The following ABI3BP variants were observed in gnomAD, a reference collection of about 807,000 sequenced individuals.
The protein encoded by ABI3BP is target of Nesh-SH3.
A neutral mutation model predicts 268.6 loss-of-function variants in ABI3BP; 216 were observed. That is an observed-to-expected ratio of 0.80 (90% CI 0.72 to 0.90). The LOEUF (loss-of-function observed/expected upper bound fraction) is 0.90. Among genes scored for constraint, ABI3BP ranks in the 40% least tolerant of loss-of-function variants. ABI3BP has a pLI of 0.00. For missense variants in ABI3BP, 2,090 were observed against 2,182.4 expected (o/e 0.96, Z 0.84); for synonymous variants, 730 against 730.0 (o/e 1.00, Z 0.00).
At chr3:100,894,956 A>AAAAAAAAAAAAAACAAAC (rs1554076985) in intron 4 of ABI3BP, among the ~76,000 whole-genome samples, 1 of 131,440 alleles carries the variant, frequency 7.6e-6, no homozygotes, top group Non-Finnish European at 1.7e-5. Context: ...AAAAAAAAAA[A>AAAAAAAAAAAAAACAAAC]AAAAAAAAAA....
chr3:100,881,810 G>A (rs1312274115), intron 6 of ABI3BP, among the ~76,000 whole-genome samples: 1 of 152,082 alleles, frequency 6.6e-6, no homozygotes, highest in Non-Finnish European at 1.5e-5. Context: ...TTTTCTAGAG[G>A]TATAGGTAGG....
At chr3:100,824,443 G>A (rs73135559) in intron 36 of ABI3BP, among the ~76,000 whole-genome samples, 20,878 of 152,072 alleles carry the variant, frequency 0.14, 1,859 homozygotes, top group South Asian at 0.26. Flanking sequence ...TCAACTCCAC[G>A]CTTTCTGCAG....
rs905142460 is a variant in ABI3BP, at chr3:100,749,940, C to T, written c.*555G>A. 23 of 387,838 alleles carry T rather than the reference C, an allele frequency of 5.9e-5. No homozygotes were observed. Among genetic ancestry groups the T allele is most frequent in the African/African-American group, 4.1e-4 (20 of 48,282 alleles). The allele number at this position is 387,838 out of a possible 1,614,324, so 24.0% of individuals were successfully genotyped here. On this transcript the variant is annotated 3_prime_UTR_variant, in exon 68 of 68. Transcript: ENST00000471714. ...TGAATGTGTAACTATTAAACTCCTCCGCAAAGCTATTCAGCTGTTGCTAAA... is the reference window on the plus strand; with the variant it reads ...TGAATGTGTAACTATTAAACTCCTCTGCAAAGCTATTCAGCTGTTGCTAAA...
chr3:100,959,533 A>G (rs1284611419), intron 1 of ABI3BP, among the ~76,000 whole-genome samples: 1 of 151,760 alleles, frequency 6.6e-6, no homozygotes, highest in Non-Finnish European at 1.5e-5. Flanking sequence ...CTGAATCAGA[A>G]CAACAAAAAG....
chr3:100,787,319 T>C (rs1445145948), intron 57 of ABI3BP, among the ~76,000 whole-genome samples: 1 of 152,166 alleles, frequency 6.6e-6, no homozygotes, highest in Non-Finnish European at 1.5e-5. Context: ...TGCTAACAGA[T>C]GCAGTTATTC....
chr3:100,862,974 T>G, intron 12 of ABI3BP, 65 bp from the exon 13 acceptor site: 1 of 1,294,422 alleles, frequency 7.7e-7, no homozygotes, highest in Non-Finnish European at 1.1e-6. Flanking sequence ...ATTTTTAAAA[T>G]TTTAAGCTTG....
chr3:100,866,863 A>C lies in ABI3BP; in HGVS notation c.988+16T>G, dbSNP rs768832677. ...TTTTTCTTTTCTCAAGGTCAACAAC[A>C]TAGCGATCTCATTACCTGTTGTGGG... On this transcript the variant is annotated intron_variant, in intron 10 of 67. Transcript: ENST00000471714. 6.2e-7 allele frequency: 1 copy of C among 1,610,480 alleles called. No individual in the cohort carries two copies. The highest frequency in any genetic ancestry group is 1.1e-5 in the South Asian group (1 of 90,646).
At chr3:100,908,802 G>T (rs890859980) in intron 2 of ABI3BP, among the ~76,000 whole-genome samples, 4 of 152,158 alleles carry the variant, frequency 2.6e-5, no homozygotes, top group African/African-American at 9.7e-5. Context: ...TGGATAGGAA[G>T]AATCAATATT....
At chr3:100,940,997 A>G (rs1284135415) in intron 1 of ABI3BP, among the ~76,000 whole-genome samples, 1 of 150,104 alleles carries the variant, frequency 6.7e-6, no homozygotes, top group Non-Finnish European at 1.5e-5. Context: ...AAATTATTAA[A>G]TAAAGCAAGA....
intron 1 of ABI3BP, among the ~76,000 whole-genome samples, chr3:100,959,089 T>C (rs1331427592): frequency 6.6e-6 from 1 of 152,150 alleles, no homozygotes; most frequent in Non-Finnish European, 1.5e-5. Context: ...GAAAACATGC[T>C]CTATTCCTAC....
chr3:100,759,130 G>A (rs2095804336), intron 63 of ABI3BP, among the ~76,000 whole-genome samples: 1 of 152,088 alleles, frequency 6.6e-6, no homozygotes, highest in Non-Finnish European at 1.5e-5. Flanking sequence ...CAAATCTCAA[G>A]CAAACTGTTT....
chr3:100,964,776 T>G (rs1315242680), intron 1 of ABI3BP, among the ~76,000 whole-genome samples: 1 of 152,124 alleles, frequency 6.6e-6, no homozygotes, highest in Admixed American at 6.5e-5. Context: ...AAGTTGGTCC[T>G]AGGGGGTAAA....
chr3:100,775,684 G>A (rs994432204), intron 59 of ABI3BP, among the ~76,000 whole-genome samples: 2 of 152,104 alleles, frequency 1.3e-5, no homozygotes, highest in Non-Finnish European at 2.9e-5. Context: ...GTTATTGGTA[G>A]GTAGAGACAA....
chr3:100,964,192 G>A (rs1259636126), intron 1 of ABI3BP, among the ~76,000 whole-genome samples: 2 of 152,066 alleles, frequency 1.3e-5, no homozygotes, highest in East Asian at 3.9e-4. Flanking sequence ...TGTTCAAGAT[G>A]GCGGCTCCAT....
At chr3:100,828,157 A>G (rs2098422206) in intron 34 of ABI3BP, among the ~76,000 whole-genome samples, 1 of 152,188 alleles carries the variant, frequency 6.6e-6, no homozygotes, top group South Asian at 2.1e-4. Context: ...AATCTCCCTT[A>G]ATAGAGAACT....
chr3:100,906,907 T>C (rs771923326), intron 2 of ABI3BP, among the ~76,000 whole-genome samples: 1 of 152,198 alleles, frequency 6.6e-6, no homozygotes, highest in Non-Finnish European at 1.5e-5. Context: ...CAGGGAAGCT[T>C]AGTTCTGCAT....
At chr3:100,752,736 A>G in intron 66 of ABI3BP, 51 bp downstream of exon 66, 1 of 1,588,170 alleles carries the variant, frequency 6.3e-7, no homozygotes, top group Middle Eastern at 1.7e-4. Flanking sequence ...CAATGCTGCA[A>G]AACATTCCCA....
At chr3:100,931,002 T>A (rs2063450018) in intron 1 of ABI3BP, 1 of 152,132 alleles carries the variant, frequency 6.6e-6, no homozygotes, top group Non-Finnish European at 1.5e-5. Flanking sequence ...CATGATCAAG[T>A]AGGCTTTATT....
At chr3:100,852,824 G>C (rs2098871127) in intron 14 of ABI3BP, among the ~76,000 whole-genome samples, 1 of 152,202 alleles carries the variant, frequency 6.6e-6, no homozygotes, top group Non-Finnish European at 1.5e-5. Flanking sequence ...TTTAATATGG[G>C]GATAATTTTC....
Sources: gnomAD v4.1 joint callset for allele counts (sites outside exome capture counted in the v4.1 genomes callset) on GRCh38, gnomAD v4.1.1 for gene constraint, MANE v1.5 for transcripts, NCBI Gene and HGNC (gene_info 2026-07-23, HGNC 2026-07-21) for gene names.